The following EPB41L4A variants were observed in gnomAD, a reference collection of about 807,000 sequenced individuals.
The protein encoded by EPB41L4A is erythrocyte membrane protein band 4.1 like 4A, also known as band 4.1-like protein 4A.
EPB41L4A carries 100 observed loss-of-function variants against 108.6 expected under a neutral mutation model. The observed-to-expected ratio is 0.92, with a 90% confidence interval of 0.78 to 1.09. EPB41L4A has a LOEUF of 1.09. EPB41L4A is among the 50% of genes least tolerant of loss of function. The probability of loss-of-function intolerance (pLI) is 0.00; values close to 1 mark genes in which losing one functional copy is unlikely to be tolerated. For missense variants in EPB41L4A, 1,030 were observed against 842.7 expected (o/e 1.22, Z -2.75); for synonymous variants, 319 against 289.0 (o/e 1.10, Z -1.05).
chr5:112,274,267 G>A lies in EPB41L4A; in HGVS notation c.335+1059C>T, dbSNP rs76267346. Among the ~76,000 whole-genome samples, 876 of 152,204 alleles carry A rather than the reference G, an allele frequency of 5.8e-3. 3 individuals are homozygous for A. The highest frequency in any genetic ancestry group is 0.01 in the Middle Eastern group (3 of 294). Reference sequence around the variant, plus strand: ...TACACTCTAGCCTGTGTGACAGAGCGAGACCCTGTGTCTTAAAAAATTAAA... The same window carrying A: ...TACACTCTAGCCTGTGTGACAGAGCAAGACCCTGTGTCTTAAAAAATTAAA... On this transcript the variant is annotated intron_variant, in intron 4 of 22. Coordinates refer to ENST00000261486, the MANE Select transcript of EPB41L4A (RefSeq NM_022140.5).
chr5:112,197,551 T>C (rs897325015), intron 15 of EPB41L4A, among the ~76,000 whole-genome samples: 3 of 152,226 alleles, frequency 2.0e-5, no homozygotes, highest in African/African-American at 7.2e-5. Context: ...TAAGAGAAGA[T>C]ACTTGCCTAA....
intron 2 of EPB41L4A, among the ~76,000 whole-genome samples, chr5:112,297,448 T>C (rs929569077): frequency 6.6e-6 from 1 of 152,116 alleles, no homozygotes; most frequent in African/African-American, 2.4e-5. Flanking sequence ...CTTTCGAGAA[T>C]TGTCCACTCA....
chr5:112,320,585 C>T (rs821748), intron 1 of EPB41L4A, among the ~76,000 whole-genome samples: 175 of 152,222 alleles, frequency 1.1e-3, no homozygotes, highest in African/African-American at 4.0e-3. Context: ...AGCCTGGGAA[C>T]TTAAGTTATC....
At chr5:112,220,607 T>G (rs2150335566) in intron 12 of EPB41L4A, among the ~76,000 whole-genome samples, 1 of 152,288 alleles carries the variant, frequency 6.6e-6, no homozygotes, top group African/African-American at 2.4e-5. Context: ...AAGTACATCT[T>G]AGAAAGCCTC....
chr5:112,341,922 A>G (rs1391176829), intron 1 of EPB41L4A, among the ~76,000 whole-genome samples: 2 of 152,220 alleles, frequency 1.3e-5, no homozygotes, highest in Non-Finnish European at 2.9e-5. Flanking sequence ...TTAGCTTATG[A>G]GAAGACAGTA....
At chr5:112,209,840 G>A (rs2150310713) in intron 13 of EPB41L4A, 52 bp downstream of exon 13, 1 of 1,146,548 alleles carries the variant, frequency 8.7e-7, no homozygotes, top group Non-Finnish European at 1.3e-6. Context: ...CAGAAAAAAA[G>A]CATTTTTACA....
intron 4 of EPB41L4A, among the ~76,000 whole-genome samples, chr5:112,271,924 C>T (rs534794404): frequency 1.3e-5 from 2 of 152,248 alleles, no homozygotes; most frequent in Admixed American, 6.5e-5. Flanking sequence ...GAAAGTCCCC[C>T]CAGTTTCATT....
intron 1 of EPB41L4A, among the ~76,000 whole-genome samples, chr5:112,320,130 G>C (rs1283719003): frequency 6.6e-6 from 1 of 152,086 alleles, no homozygotes; most frequent in Non-Finnish European, 1.5e-5. Context: ...AGAAGTTCCG[G>C]GCCTTGCTCA....
intron 1 of EPB41L4A, among the ~76,000 whole-genome samples, chr5:112,380,511 C>T (rs1463050280): frequency 6.6e-6 from 1 of 151,946 alleles, no homozygotes; most frequent in Non-Finnish European, 1.5e-5. Context: ...ATCCATAATG[C>T]TACTGCTTAA....
At chr5:112,305,578 C>G (rs1367816391) in intron 2 of EPB41L4A, among the ~76,000 whole-genome samples, 1 of 152,068 alleles carries the variant, frequency 6.6e-6, no homozygotes, top group Non-Finnish European at 1.5e-5. Flanking sequence ...AGGATTGCTT[C>G]TAATATACTT....
chr5:112,176,694 T>C (rs970185036), intron 18 of EPB41L4A, among the ~76,000 whole-genome samples: 2 of 150,822 alleles, frequency 1.3e-5, no homozygotes, highest in Non-Finnish European at 3.0e-5. Flanking sequence ...ATTGCTTTCC[T>C]GCTTCCTTTC....
intron 1 of EPB41L4A, among the ~76,000 whole-genome samples, chr5:112,403,987 GGTT>G (rs1156914963): frequency 2.4e-4 from 37 of 152,200 alleles, no homozygotes; most frequent in Non-Finnish European, 1.3e-4. Context: ...AGAGAAAGCT[GGTT>G]GTTGTTTTCA....
At chr5:112,158,031 C>T, downstream of EPB41L4A, among the ~76,000 whole-genome samples, 1 of 152,192 alleles carries the variant, frequency 6.6e-6, no homozygotes, top group Admixed American at 6.5e-5. Flanking sequence ...GAGGCTGAAG[C>T]AGACAGGGGA....
Position 112,266,326 on chromosome 5 carries a change from GA to G in EPB41L4A, c.339del (p.Gln114SerfsTer6). The G allele has an allele frequency of 6.3e-7, 1 of 1,593,554 alleles. No homozygotes were observed. Among genetic ancestry groups the G allele is most frequent in the Non-Finnish European group, 8.6e-7 (1 of 1,169,386 alleles). On this transcript the variant is annotated frameshift_variant, in exon 5 of 23. Coordinates refer to ENST00000261486, the MANE Select transcript of EPB41L4A (RefSeq NM_022140.5). LOFTEE classifies it high-confidence loss of function. ...PCKLKEEITRYQFFLQVKQDV... is the reference protein window; with the variant it reads ...PCKLKEEITRXQFFLQVKQDV... ...TCTTGCTTCACCTGCAAGAAAAACT[GA>G]TATCTAAAAGAGAAACAAAAAGAGA...
At chr5:112,328,699 T>C (rs927481214) in intron 1 of EPB41L4A, among the ~76,000 whole-genome samples, 3 of 152,204 alleles carry the variant, frequency 2.0e-5, no homozygotes, top group African/African-American at 4.8e-5. Context: ...GATTTTAACG[T>C]TGACACTTTT....
At chr5:112,231,692 G>T (rs572470780) in intron 12 of EPB41L4A, among the ~76,000 whole-genome samples, 79 of 148,932 alleles carry the variant, frequency 5.3e-4, no homozygotes, top group African/African-American at 1.9e-3. Context: ...GGCTGAGGCA[G>T]GAGAATGGCG....
At position 112,230,054 on chromosome 5, in the gene EPB41L4A, G is replaced by T. The variant is rs117991326; in HGVS notation, c.1087+4580C>A. Among the ~76,000 whole-genome samples the T allele has an allele frequency of 7.7e-4, 115 of 149,620 alleles. No homozygotes were observed. The East Asian group carries it at 0.014, about 19-fold the overall frequency. On this transcript the variant is annotated intron_variant, in intron 12 of 22. Transcript: ENST00000261486. ...AGGTTGCCACGAATGCCATTATTTT[G>T]TTCCTTTTTATGGCTGAGTAGTATT...
At chr5:112,351,957 A>T (rs1758070344) in intron 1 of EPB41L4A, among the ~76,000 whole-genome samples, 1 of 152,226 alleles carries the variant, frequency 6.6e-6, no homozygotes, top group Admixed American at 6.5e-5. Flanking sequence ...TTCTTTTATG[A>T]TAAAAACTCT....
At chr5:112,388,826 G>A (rs961248638) in intron 1 of EPB41L4A, among the ~76,000 whole-genome samples, 2 of 152,092 alleles carry the variant, frequency 1.3e-5, no homozygotes, top group African/African-American at 4.8e-5. Context: ...TGGAAACTTG[G>A]TTGGATAACT....
Sources: allele counts gnomAD v4.1 joint callset (sites outside exome capture counted in the v4.1 genomes callset), GRCh38; gene constraint gnomAD v4.1.1; transcripts MANE v1.5; gene names NCBI Gene and HGNC (gene_info 2026-07-23, HGNC 2026-07-21).